Variants in BCL11B observed in about 807,000 individuals in gnomAD.
BCL11B encodes BCL11 transcription factor B, also known as B-cell lymphoma/leukemia 11B.
Under a neutral mutation model 49.9 loss-of-function variants are expected in BCL11B, and 8 were observed. The ratio of observed to expected loss-of-function variants is 0.16; its 90% CI spans 0.09 to 0.29. The LOEUF (loss-of-function observed/expected upper bound fraction) is 0.29, where lower values mean the gene tolerates loss of function less well. BCL11B is among the 10% of genes least tolerant of loss of function. The pLI, the probability that BCL11B is intolerant of heterozygous loss-of-function variation, is 1.00. For synonymous variants in BCL11B, 739 were observed against 637.4 expected, an observed-to-expected ratio of 1.16 and a Z score of -2.40; for missense variants, 1,006 against 1,351.0, an observed-to-expected ratio of 0.74 and a Z score of 4.00.
intron 3 of BCL11B, among the ~76,000 whole-genome samples, chr14:99,185,994 G>A (rs1271978633): frequency 6.6e-6 from 1 of 152,182 alleles, no homozygotes; most frequent in African/African-American, 2.4e-5. Flanking sequence ...TCTGTGCCAG[G>A]CCCTATGCCA....
intron 2 of BCL11B, among the ~76,000 whole-genome samples, chr14:99,237,798 TGAAA>T (rs1367116472): frequency 6.6e-6 from 1 of 152,184 alleles, no homozygotes; most frequent in Non-Finnish European, 1.5e-5. Context: ...GGCGGCTAGC[TGAAA>T]GACAGCAGTC....
At chr14:99,196,629 A>G (rs1206232144) in intron 3 of BCL11B, among the ~76,000 whole-genome samples, 2 of 152,148 alleles carry the variant, frequency 1.3e-5, no homozygotes, top group East Asian at 1.9e-4. Flanking sequence ...ATGCCCCCCA[A>G]GATTCCCAGG....
At position 99,174,972 on chromosome 14, in the gene BCL11B, C is replaced by T. The variant is rs200687140; in HGVS notation, c.1864G>A (p.Ala622Thr). The part of the protein sequence containing the change: ...ELLADKQKRG[A>T]FLKRAAGGGD... ...CCGCCCGCCGCACGCTTCAGGAAGG[C>T]GCCGCGCTTCTGCTTGTCGGCCAGG... The change falls in exon 4 of 4, where the codon GCC (alanine) becomes ACC (threonine). Residue 622 changes from alanine (A) to threonine (T), a missense_variant. By Grantham distance (58) the Ala-to-Thr change is moderately conservative. Transcript: ENST00000357195. The T allele has an allele frequency of 1.2e-4, 186 of 1,558,192 alleles. No homozygotes were observed. Among genetic ancestry groups the T allele is most frequent in the Non-Finnish European group, 1.6e-4 (181 of 1,160,142 alleles).
At chr14:99,265,295 C>T (rs953848848) in intron 1 of BCL11B, among the ~76,000 whole-genome samples, 59 of 152,308 alleles carry the variant, frequency 3.9e-4, no homozygotes, top group African/African-American at 1.3e-3. Flanking sequence ...CCCCAAAGAC[C>T]ATTTACTTTC....
intron 3 of BCL11B, among the ~76,000 whole-genome samples, chr14:99,198,587 G>A (rs1049638771): frequency 6.6e-6 from 1 of 152,170 alleles, no homozygotes; most frequent in African/African-American, 2.4e-5. Context: ...TCCCTGGTTA[G>A]TCTTCAGGCC....
rs960611909 is a variant in BCL11B, at chr14:99,186,979, C to G, written c.641-10784G>C. Among the ~76,000 whole-genome samples the G allele has an allele frequency of 2.0e-5, 3 of 152,186 alleles. No individual in the cohort carries two copies. The South Asian group carries it at 6.2e-4, about 32-fold the overall frequency. The stretch of plus-strand genomic sequence containing the variant: ...GGAGTTAAACGATTCCAGCAAGCCT[C>G]ACATCTGAATACCCTAGGCCTGTGA... On this transcript the variant is annotated intron_variant, in intron 3 of 3. Coordinates refer to ENST00000357195, the MANE Select transcript of BCL11B (RefSeq NM_138576.4).
chr14:99,181,850 T>C (rs887990821), intron 3 of BCL11B, among the ~76,000 whole-genome samples: 1 of 152,184 alleles, frequency 6.6e-6, no homozygotes, highest in African/African-American at 2.4e-5. Context: ...CCCAAGGAGA[T>C]GGCTGGTTTC....
chr14:99,197,667 C>T (rs1186956197), intron 3 of BCL11B, among the ~76,000 whole-genome samples: 2 of 152,142 alleles, frequency 1.3e-5, no homozygotes, highest in Non-Finnish European at 2.9e-5. Flanking sequence ...CACTCTTCCT[C>T]GCTGCGTGAA....
chr14:99,181,497 C>T (rs758838714), intron 3 of BCL11B, among the ~76,000 whole-genome samples: 6 of 152,224 alleles, frequency 3.9e-5, no homozygotes, highest in African/African-American at 1.4e-4. Context: ...GCTCCAGCCC[C>T]GCCTCGGCAC....
chr14:99,170,287 T>C lies in BCL11B; in HGVS notation c.*3864A>G. On this transcript the variant is annotated 3_prime_UTR_variant, in exon 4 of 4. Coordinates refer to ENST00000357195, the MANE Select transcript of BCL11B (RefSeq NM_138576.4). Reference sequence around the variant, plus strand: ...TTTTTTTTAACTTTGCAAAGGTAAGTGGCAAGGAGGAAAGAGTGCATCGAA... The same window carrying C: ...TTTTTTTTAACTTTGCAAAGGTAAGCGGCAAGGAGGAAAGAGTGCATCGAA... 4.5e-6 allele frequency: 1 copy of C among 221,158 alleles called. No individual in the cohort carries two copies. The allele number at this position is 221,158 out of a possible 1,614,324, so 13.7% of individuals were successfully genotyped here. A position where few individuals can be genotyped will look rare whatever the true frequency, so the allele number is the denominator to read the frequency against.
chr14:99,270,955 C>T (rs1311517849), intron 1 of BCL11B, among the ~76,000 whole-genome samples: 6 of 151,680 alleles, frequency 4.0e-5, no homozygotes, highest in African/African-American at 1.5e-4. Context: ...CGTCCGGCTG[C>T]TCGGCGCCCC....
At chr14:99,270,629 AC>A (rs1889641180) in intron 1 of BCL11B, among the ~76,000 whole-genome samples, 1 of 151,560 alleles carries the variant, frequency 6.6e-6, no homozygotes, top group African/African-American at 2.4e-5. Context: ...GGGACCGGGG[AC>A]CCGGAGCCGG....
intron 3 of BCL11B, among the ~76,000 whole-genome samples, chr14:99,201,901 G>A (rs1172894429): frequency 1.3e-5 from 2 of 152,166 alleles, no homozygotes; most frequent in African/African-American, 4.8e-5. Flanking sequence ...TATTTCTGGT[G>A]ACCAGAACAA....
chr14:99,239,803 A>G (rs184478817), intron 2 of BCL11B, among the ~76,000 whole-genome samples: 74 of 152,338 alleles, frequency 4.9e-4, no homozygotes, highest in Non-Finnish European at 9.1e-4. Flanking sequence ...ATGAACTCCA[A>G]TGCTGGCTTT....
chr14:99,243,848 C>T (rs1177543128), intron 2 of BCL11B, among the ~76,000 whole-genome samples: 1 of 145,932 alleles, frequency 6.9e-6, no homozygotes, highest in East Asian at 2.0e-4. Context: ...CTACCAATTG[C>T]ACTGGTATTT....
At chr14:99,190,984 G>A (rs1887011035) in intron 3 of BCL11B, among the ~76,000 whole-genome samples, 1 of 152,028 alleles carries the variant, frequency 6.6e-6, no homozygotes, top group Admixed American at 6.6e-5. Flanking sequence ...ATCTAACAAT[G>A]GGAATTCAGT....
intron 1 of BCL11B, among the ~76,000 whole-genome samples, chr14:99,265,018 C>A (rs752526713): frequency 6.6e-6 from 1 of 152,130 alleles, no homozygotes; most frequent in South Asian, 2.1e-4. Flanking sequence ...GGAGTAGGGA[C>A]AGGACAGAGC....
rs1451792811 is a variant in BCL11B, at chr14:99,247,918, A to G, written c.427+9553T>C. On this transcript the variant is annotated intron_variant, in intron 2 of 3. Coordinates refer to ENST00000357195, the MANE Select transcript of BCL11B (RefSeq NM_138576.4). This position sits in a 1 kb window ranked among gnomAD's most constrained non-coding sequence, Gnocchi z 4.5. ...GGATGGGGGGAAAACAGCCCTGATC[A>G]AACATTGCCTTGGCTTAGAGACAGA... Among the ~76,000 whole-genome samples the G allele has an allele frequency of 2.0e-5, 3 of 152,216 alleles. No homozygotes were observed. The highest frequency in any genetic ancestry group is 7.2e-5 in the African/African-American group (3 of 41,452).
chr14:99,239,043 T>C (rs961999430), intron 2 of BCL11B, among the ~76,000 whole-genome samples: 8 of 152,204 alleles, frequency 5.3e-5, no homozygotes, highest in Non-Finnish European at 8.8e-5. Flanking sequence ...AACGTGGACA[T>C]GTTAAGATGT....
Sources: allele counts gnomAD v4.1 joint callset (sites outside exome capture counted in the v4.1 genomes callset), GRCh38; gene constraint gnomAD v4.1.1; non-coding constraint Gnocchi (gnomAD v3.1); transcripts MANE v1.5; gene names NCBI Gene and HGNC (gene_info 2026-07-23, HGNC 2026-07-21).